Variants in CACNA2D3 observed in about 807,000 individuals in gnomAD.
CACNA2D3 encodes calcium voltage-gated channel auxiliary subunit alpha2delta 3, also known as voltage-dependent calcium channel subunit alpha-2/delta-3.
CACNA2D3 carries 60 observed loss-of-function variants against 160.6 expected under a neutral mutation model. The ratio of observed to expected loss-of-function variants is 0.37; its 90% CI spans 0.30 to 0.46. The LOEUF is 0.46. Ranked by LOEUF, CACNA2D3 falls within the 20% of genes least tolerant of loss-of-function variation. The pLI is 1.00. For missense variants in CACNA2D3, 1,205 were observed against 1,365.0 expected (o/e 0.88, Z 1.85); for synonymous variants, 558 against 492.9 (o/e 1.13, Z -1.75).
At chr3:54,490,004 A>G (rs529708039) in intron 4 of CACNA2D3, among the ~76,000 whole-genome samples, 20 of 152,316 alleles carry the variant, frequency 1.3e-4, no homozygotes, top group East Asian at 5.8e-4. Context: ...CTGAGTAGCA[A>G]TGATGTTACT....
intron 4 of CACNA2D3, among the ~76,000 whole-genome samples, chr3:54,442,004 C>T (rs113511016): frequency 9.9e-5 from 15 of 152,234 alleles, no homozygotes; most frequent in African/African-American, 2.4e-4. Flanking sequence ...GGAGGTCTTA[C>T]GACTGTGTTG....
At chr3:54,323,178 G>A (rs549252235) in intron 3 of CACNA2D3, among the ~76,000 whole-genome samples, 4 of 152,296 alleles carry the variant, frequency 2.6e-5, no homozygotes, top group Admixed American at 1.3e-4. Context: ...GGAATGAGAT[G>A]TCCCTTTGGA....
chr3:54,276,962 C>T (rs1475749195), intron 2 of CACNA2D3, among the ~76,000 whole-genome samples: 1 of 152,238 alleles, frequency 6.6e-6, no homozygotes, highest in Non-Finnish European at 1.5e-5. Flanking sequence ...TGGCCCACCG[C>T]AGGCATGCCG....
At chr3:54,830,529 A>T (rs1257553483) in intron 14 of CACNA2D3, among the ~76,000 whole-genome samples, 2 of 150,760 alleles carry the variant, frequency 1.3e-5, no homozygotes, top group Non-Finnish European at 1.5e-5. Context: ...GTTTGCTGCA[A>T]CCGTCACCTC....
At chr3:54,650,853 A>G (rs548501733) in intron 11 of CACNA2D3, among the ~76,000 whole-genome samples, 173 of 152,306 alleles carry the variant, frequency 1.1e-3, no homozygotes, top group African/African-American at 3.7e-3. Context: ...TTATAAACCA[A>G]TACTAATGAT....
intron 35 of CACNA2D3, among the ~76,000 whole-genome samples, chr3:55,040,942 G>A (rs1400603563): frequency 6.6e-6 from 1 of 151,886 alleles, no homozygotes; most frequent in Non-Finnish European, 1.5e-5. Context: ...AGTTGGTTTA[G>A]CTTTTTATTT....
At chr3:54,541,006 G>A (rs1343700750) in intron 5 of CACNA2D3, among the ~76,000 whole-genome samples, 6 of 152,126 alleles carry the variant, frequency 3.9e-5, no homozygotes, top group Non-Finnish European at 5.9e-5. Context: ...GGCCGAGCGT[G>A]GTGGCTCACG....
At chr3:54,570,148 G>A (rs779227226) in intron 8 of CACNA2D3, 44 bp downstream of exon 8, 1 of 1,595,976 alleles carries the variant, frequency 6.3e-7, no homozygotes. Flanking sequence ...GGGTTCATTT[G>A]ATCTTTTGGT....
intron 4 of CACNA2D3, among the ~76,000 whole-genome samples, chr3:54,496,900 A>G (rs77782370): frequency 0.012 from 1,802 of 152,132 alleles, 25 homozygotes; most frequent in Middle Eastern, 0.037. Context: ...TTACCTAAGC[A>G]CCTTTATTTG....
At chr3:54,546,848 A>G (rs949536056) in intron 5 of CACNA2D3, among the ~76,000 whole-genome samples, 4 of 152,176 alleles carry the variant, frequency 2.6e-5, no homozygotes, top group Non-Finnish European at 5.9e-5. Flanking sequence ...GTGTTAATTA[A>G]AAGACTCCCA....
intron 3 of CACNA2D3, among the ~76,000 whole-genome samples, chr3:54,375,114 T>G (rs1173330410): frequency 6.6e-6 from 1 of 152,102 alleles, no homozygotes; most frequent in Non-Finnish European, 1.5e-5. Flanking sequence ...ATGAGAAGGC[T>G]TCTTGTACCA....
intron 5 of CACNA2D3, among the ~76,000 whole-genome samples, chr3:54,545,835 C>G (rs2106673691): frequency 6.6e-6 from 1 of 152,282 alleles, no homozygotes; most frequent in South Asian, 2.1e-4. Context: ...GTGACCTTAT[C>G]TTCTTCTTCC....
chr3:54,644,115 A>G (rs769845540), intron 11 of CACNA2D3, among the ~76,000 whole-genome samples: 12 of 152,124 alleles, frequency 7.9e-5, no homozygotes, highest in Non-Finnish European at 1.0e-4. Context: ...CCCTGTCCTT[A>G]CTTGTAGAGG....
At chr3:54,580,348 A>T (rs2106737261) in intron 8 of CACNA2D3, among the ~76,000 whole-genome samples, 1 of 152,222 alleles carries the variant, frequency 6.6e-6, no homozygotes, top group Admixed American at 6.5e-5. Context: ...GCTCTTGAGC[A>T]GCTTTAGGTC....
At chr3:54,308,523 A>G (rs1478044647) in intron 2 of CACNA2D3, among the ~76,000 whole-genome samples, 3 of 152,184 alleles carry the variant, frequency 2.0e-5, no homozygotes, top group East Asian at 1.9e-4. Flanking sequence ...CTGAGTCACT[A>G]TGTGGAAGGC....
At chr3:54,837,331 A>T (rs1457045602) in intron 15 of CACNA2D3, 101 bp downstream of exon 15, 25 of 894,786 alleles carry the variant, frequency 2.8e-5, no homozygotes, top group Middle Eastern at 2.2e-4. Flanking sequence ...TAAGCATAGG[A>T]TGTATGTCAT....
chr3:54,313,030 G>C (rs1049338752), intron 2 of CACNA2D3, among the ~76,000 whole-genome samples: 1 of 152,198 alleles, frequency 6.6e-6, no homozygotes, highest in African/African-American at 2.4e-5. Context: ...CCTGTAGCCA[G>C]AAATGCCAAG....
intron 11 of CACNA2D3, among the ~76,000 whole-genome samples, chr3:54,733,675 T>C (rs1423813391): frequency 6.6e-6 from 1 of 152,148 alleles, no homozygotes; most frequent in Non-Finnish European, 1.5e-5. Flanking sequence ...TTGATTTAAC[T>C]TAGAGAACAC....
chr3:54,842,418 C>T (rs1275628486), intron 16 of CACNA2D3, among the ~76,000 whole-genome samples: 1 of 152,112 alleles, frequency 6.6e-6, no homozygotes, highest in African/African-American at 2.4e-5. Context: ...TGGCAAATGT[C>T]TAAAATACAC....
Sources: allele counts gnomAD v4.1 joint callset (sites outside exome capture counted in the v4.1 genomes callset), GRCh38; gene constraint gnomAD v4.1.1; transcripts MANE v1.5; gene names NCBI Gene and HGNC (gene_info 2026-07-23, HGNC 2026-07-21).